METTL21C: variants seen among roughly 807,000 people sequenced by gnomAD.
METTL21C encodes the protein protein-lysine methyltransferase METTL21C.
METTL21C carries 21 observed loss-of-function variants against 25.9 expected under a neutral mutation model. The ratio of observed to expected loss-of-function variants is 0.81; its 90% confidence interval spans 0.58 to 1.17. METTL21C has a LOEUF of 1.17. Ranked by LOEUF, METTL21C falls within the 50% of genes most tolerant of loss-of-function variation. The pLI is 0.00. For missense variants in METTL21C, 312 were observed against 315.1 expected, an observed-to-expected ratio of 0.99 and a Z score of 0.07; for synonymous variants, 125 against 124.7, an observed-to-expected ratio of 1.00 and a Z score of -0.01.
intron 1 of METTL21C, 37 bp from the exon 2 acceptor site, chr13:102,691,001 G>C: frequency 6.2e-7 from 1 of 1,608,346 alleles, no homozygotes; most frequent in Non-Finnish European, 8.5e-7. Context: ...TTCATGATTT[G>C]TTCAAATCCA....
At chr13:102,690,410 G>C (rs1171350780) in intron 2 of METTL21C, among the ~76,000 whole-genome samples, 1 of 148,668 alleles carries the variant, frequency 6.7e-6, no homozygotes, top group African/African-American at 2.5e-5. Flanking sequence ...AACAGAGTGA[G>C]ACTCCATCTC....
At chr13:102,686,915 C>G (rs758385093) in intron 3 of METTL21C, 25 bp downstream of exon 3, 1 of 1,553,458 alleles carries the variant, frequency 6.4e-7, no homozygotes, top group Middle Eastern at 1.7e-4. Context: ...GATCTGGATA[C>G]TAGGTCAGGA....
At chr13:102,689,100 T>C (rs1345917227) in intron 2 of METTL21C, among the ~76,000 whole-genome samples, 2 of 151,968 alleles carry the variant, frequency 1.3e-5, no homozygotes, top group East Asian at 3.9e-4. Context: ...TTTAAAATTA[T>C]TATTTTTAAA....
chr13:102,701,284 T>A, the METTL21C span, among the ~76,000 whole-genome samples: 3 of 152,234 alleles, frequency 2.0e-5, no homozygotes, highest in East Asian at 1.9e-4. Flanking sequence ...GTGGCCTAGA[T>A]GCGCCTCTTC....
At chr13:102,696,390 A>C (rs1885948285), upstream of METTL21C, among the ~76,000 whole-genome samples, 1 of 152,058 alleles carries the variant, frequency 6.6e-6, no homozygotes, top group African/African-American at 2.4e-5. Flanking sequence ...GGGGACGGAG[A>C]GCATTAGGAG....
upstream of METTL21C, among the ~76,000 whole-genome samples, chr13:102,699,312 A>G (rs1225042012): frequency 6.6e-6 from 1 of 152,164 alleles, no homozygotes; most frequent in African/African-American, 2.4e-5. Context: ...TCCCAAGTCC[A>G]AACCTCTAGA....
upstream of METTL21C, among the ~76,000 whole-genome samples, chr13:102,695,286 G>A (rs1885930126): frequency 6.6e-6 from 1 of 152,248 alleles, no homozygotes; most frequent in Non-Finnish European, 1.5e-5. Context: ...AAGGCTTAAC[G>A]TTGAATCTGG....
At chr13:102,697,584 T>C (rs1243956260), upstream of METTL21C, among the ~76,000 whole-genome samples, 1 of 152,106 alleles carries the variant, frequency 6.6e-6, no homozygotes, top group Non-Finnish European at 1.5e-5. Context: ...GCCTCCCCTG[T>C]GTCTCAGTGT....
In METTL21C at chr13:102,693,799, G is replaced by A. The variant is rs549869120; in HGVS notation, c.130+570C>T. On this transcript the variant is annotated intron_variant, in intron 1 of 3. Transcript: ENST00000267273. Reference sequence around the variant, plus strand: ...GTTGCATTTTTACGTAAACAATGCAGTAAAAATAGACAACATTCTCATTTA... The same window carrying A: ...GTTGCATTTTTACGTAAACAATGCAATAAAAATAGACAACATTCTCATTTA... Among the ~76,000 whole-genome samples, 10 of 152,330 alleles carry A rather than the reference G, an allele frequency of 6.6e-5. No homozygotes were observed. In the East Asian group the frequency reaches 1.3e-3, roughly 21 times the overall value.
In METTL21C at chr13:102,695,027, G is replaced by A. The variant is rs974655196; in HGVS notation, c.-529C>T. Among the ~76,000 whole-genome samples the A allele has an allele frequency of 6.6e-6, 1 of 152,062 alleles. No individual in the cohort carries two copies. The highest frequency in any genetic ancestry group is 1.5e-5 in the Non-Finnish European group (1 of 68,014). On this transcript the variant is annotated 5_prime_UTR_variant, in exon 1 of 4. Coordinates refer to ENST00000267273, the MANE Select transcript of METTL21C (RefSeq NM_001010977.3). Reference sequence around the variant, plus strand: ...TGCCCCTGTGGCATCCAGTTGCTGCGATGTGGTTCGAAACGTTAGACTTCC... The same window carrying A: ...TGCCCCTGTGGCATCCAGTTGCTGCAATGTGGTTCGAAACGTTAGACTTCC...
At chr13:102,701,419 T>C in the METTL21C span, among the ~76,000 whole-genome samples, 12 of 152,278 alleles carry the variant, frequency 7.9e-5, no homozygotes, top group African/African-American at 2.9e-4. Flanking sequence ...CATTCTCTAG[T>C]AAAAAGCAAA....
In METTL21C at chr13:102,689,731, G is replaced by A. The variant is rs187251424; in HGVS notation, c.282+1082C>T. ...CTTGGCTCTGCCCTGCACCCCAGTC[G>A]GGAGCTTTACCACGCCAGCAGACTG... On this transcript the variant is annotated intron_variant, in intron 2 of 3. Coordinates refer to ENST00000267273, the MANE Select transcript of METTL21C (RefSeq NM_001010977.3). Among the ~76,000 whole-genome samples, 295 of 152,306 alleles carry A rather than the reference G, an allele frequency of 1.9e-3. 2 individuals carry two copies. The highest frequency in any genetic ancestry group is 0.01 in the Middle Eastern group (3 of 294).
chr13:102,702,206 T>G, the METTL21C span, among the ~76,000 whole-genome samples: 43 of 136,244 alleles, frequency 3.2e-4, no homozygotes, highest in African/African-American at 1.4e-3. Flanking sequence ...TATATATATA[T>G]GTAGAGAGAG....
chr13:102,689,647 C>A (rs1885775596), intron 2 of METTL21C, among the ~76,000 whole-genome samples: 3 of 152,216 alleles, frequency 2.0e-5, no homozygotes, highest in Admixed American at 1.3e-4. Flanking sequence ...CCTTTCTAAT[C>A]ACTGACAACA....
intron 1 of METTL21C, among the ~76,000 whole-genome samples, chr13:102,692,293 G>A (rs1325778620): frequency 2.4e-5 from 2 of 82,352 alleles, no homozygotes; most frequent in East Asian, 4.5e-4. Flanking sequence ...CCTCAGGTCG[G>A]GGGCAGGGCC....
chr13:102,689,333 G>A (rs895538962), intron 2 of METTL21C, among the ~76,000 whole-genome samples: 8 of 152,136 alleles, frequency 5.3e-5, no homozygotes, highest in Admixed American at 1.3e-4. Flanking sequence ...TTTCAAACTC[G>A]TTTTTAAGGC....
upstream of METTL21C, among the ~76,000 whole-genome samples, chr13:102,699,804 C>A (rs932796241): frequency 6.6e-6 from 1 of 151,478 alleles, no homozygotes; most frequent in African/African-American, 2.4e-5. Context: ...GCTGCAATAC[C>A]CCCCCGACCC....
At chr13:102,702,341 A>G in the METTL21C span, among the ~76,000 whole-genome samples, 21 of 152,256 alleles carry the variant, frequency 1.4e-4, no homozygotes, top group African/African-American at 5.1e-4. Flanking sequence ...GAAAATTACA[A>G]AGACAGGAAA....
upstream of METTL21C, among the ~76,000 whole-genome samples, chr13:102,695,360 G>A (rs574442921): frequency 7.9e-5 from 12 of 152,278 alleles, no homozygotes; most frequent in South Asian, 1.7e-3. Context: ...AAGCCATTGT[G>A]ATTTATTTAA....
Sources: allele counts gnomAD v4.1 joint callset (sites outside exome capture counted in the v4.1 genomes callset), GRCh38; gene constraint gnomAD v4.1.1; transcripts MANE v1.5; gene names NCBI Gene and HGNC (gene_info 2026-07-23, HGNC 2026-07-21).